ANOS1: variants seen among roughly 807,000 people sequenced by gnomAD.
ANOS1 encodes the protein anosmin 1, also known as anosmin-1.
In ANOS1, 6 loss-of-function variants were observed where a neutral mutation model predicts 59.0. The ratio of observed to expected loss-of-function variants is 0.10; its 90% CI spans 0.06 to 0.20. The LOEUF is 0.20. Ranked by LOEUF, ANOS1 falls within the 10% of genes least tolerant of loss-of-function variation. The pLI, the probability that ANOS1 is intolerant of heterozygous loss-of-function variation, is 1.00. For synonymous variants in ANOS1, 217 were observed against 223.4 expected, an observed-to-expected ratio of 0.97 and a Z score of 0.25; for missense variants, 433 against 542.3, an observed-to-expected ratio of 0.80 and a Z score of 2.00.
intron 1 of ANOS1, among the ~76,000 whole-genome samples, chrX:8,729,816 A>T (rs1932955798): frequency 9.1e-6 from 1 of 109,836 alleles, no homozygotes; most frequent in Admixed American, 9.8e-5. Context: ...AGATCTTAAA[A>T]ACACTTAATC....
chrX:8,669,595 T>TAAA (rs199519416), intron 2 of ANOS1, among the ~76,000 whole-genome samples: 5 of 104,326 alleles, frequency 4.8e-5, no homozygotes, highest in Non-Finnish European at 9.9e-5. Flanking sequence ...CCAAAACTGC[T>TAAA]AAAAAAAAAA....
At chrX:8,541,247 A>G (rs1258777730) in intron 9 of ANOS1, among the ~76,000 whole-genome samples, 1 of 105,948 alleles carries the variant, frequency 9.4e-6, no homozygotes, top group Non-Finnish European at 1.9e-5. Context: ...TACTAACAAT[A>G]CAAAAATTAG....
At chrX:8,549,368 T>C (rs1045192732) in intron 9 of ANOS1, among the ~76,000 whole-genome samples, 1 of 112,436 alleles carries the variant, frequency 8.9e-6, no homozygotes, top group African/African-American at 3.2e-5. Flanking sequence ...ATCATTATTG[T>C]ATGGGAATAT....
intron 1 of ANOS1, among the ~76,000 whole-genome samples, chrX:8,710,316 A>G (rs1282114268): frequency 8.9e-6 from 1 of 112,005 alleles, no homozygotes; most frequent in Non-Finnish European, 1.9e-5. Context: ...GAGCTCTCTG[A>G]GAACTTCTAC....
At chrX:8,639,191 T>C (rs1304457569) in intron 2 of ANOS1, among the ~76,000 whole-genome samples, 2 of 111,425 alleles carry the variant, frequency 1.8e-5, no homozygotes, top group Non-Finnish European at 3.8e-5. Flanking sequence ...GATGATGCCA[T>C]TCATGCCTGC....
chrX:8,566,204 T>C, intron 8 of ANOS1: 1 of 751,140 alleles, frequency 1.3e-6, no homozygotes, highest in Non-Finnish European at 1.6e-6. Flanking sequence ...CTGTTTCCTG[T>C]AGTTCTGTCT....
At chrX:8,594,521 G>A (rs1324353724) in intron 4 of ANOS1, among the ~76,000 whole-genome samples, 1 of 103,449 alleles carries the variant, frequency 9.7e-6, no homozygotes, top group Non-Finnish European at 2.0e-5. Context: ...AGGAGTTGCT[G>A]TAGGCTCTAT....
intron 2 of ANOS1, among the ~76,000 whole-genome samples, chrX:8,673,692 T>C (rs1228971081): frequency 2.7e-5 from 3 of 111,361 alleles, no homozygotes; most frequent in African/African-American, 6.5e-5. Flanking sequence ...TTGTGCATCC[T>C]GTTATGCCTC....
intron 2 of ANOS1, among the ~76,000 whole-genome samples, chrX:8,667,720 G>C (rs945843880): frequency 1.8e-5 from 2 of 111,131 alleles, no homozygotes; most frequent in African/African-American, 3.3e-5. Context: ...GAAGGAGTAA[G>C]GTAAGGTAGA....
At chrX:8,612,398 G>A (rs1188909111) in intron 3 of ANOS1, among the ~76,000 whole-genome samples, 1 of 109,638 alleles carries the variant, frequency 9.1e-6, no homozygotes. Flanking sequence ...AGGAAAATAA[G>A]GTCTCAAATT....
chrX:8,610,683 C>A (rs776552556), intron 3 of ANOS1, among the ~76,000 whole-genome samples: 26 of 111,664 alleles, frequency 2.3e-4, no homozygotes, highest in African/African-American at 8.4e-4. Flanking sequence ...AGTCAGAGTG[C>A]AGAGAATGCA....
intron 7 of ANOS1, among the ~76,000 whole-genome samples, chrX:8,568,937 G>A (rs184195380): frequency 3.3e-4 from 37 of 111,679 alleles, no homozygotes; most frequent in African/African-American, 1.0e-3. Flanking sequence ...AAATCATTCT[G>A]AGCCCTCGCC....
intron 3 of ANOS1, among the ~76,000 whole-genome samples, chrX:8,598,944 T>G (rs1930792040): frequency 9.0e-6 from 1 of 111,322 alleles, no homozygotes; most frequent in Non-Finnish European, 1.9e-5. Flanking sequence ...GGCTTGCAGA[T>G]GGTGGGGGAT....
chrX:8,691,321 C>T (rs1932604170), intron 2 of ANOS1, among the ~76,000 whole-genome samples: 1 of 111,359 alleles, frequency 9.0e-6, no homozygotes, highest in African/African-American at 3.3e-5. Flanking sequence ...ATCCACCTGC[C>T]TTGGACTCCC....
At chrX:8,550,945 T>A in intron 9 of ANOS1, among the ~76,000 whole-genome samples, 1 of 111,812 alleles carries the variant, frequency 8.9e-6, no homozygotes, top group South Asian at 3.8e-4. Context: ...GGGAGGTAAC[T>A]GAATCATGGG....
chrX:8,674,458 G>A (rs936740188), intron 2 of ANOS1, among the ~76,000 whole-genome samples: 4 of 112,017 alleles, frequency 3.6e-5, no homozygotes, highest in Admixed American at 9.4e-5. Context: ...AATGTTACCC[G>A]TTGAGTGATG....
chrX:8,716,063 C>T (rs1932840378), intron 1 of ANOS1, among the ~76,000 whole-genome samples: 2 of 111,027 alleles, frequency 1.8e-5, no homozygotes, highest in African/African-American at 6.6e-5. Context: ...AAAGGGCAGT[C>T]GACGGTCTGA....
At chrX:8,697,136 G>A (rs1420255415) in intron 2 of ANOS1, among the ~76,000 whole-genome samples, 2 of 111,559 alleles carry the variant, frequency 1.8e-5, no homozygotes, top group African/African-American at 6.5e-5. Context: ...CCAGCTACTC[G>A]GGAGGCTGAG....
intron 2 of ANOS1, among the ~76,000 whole-genome samples, chrX:8,689,107 C>T (rs904987298): frequency 5.4e-5 from 6 of 111,916 alleles, no homozygotes; most frequent in Non-Finnish European, 1.1e-4. Flanking sequence ...TGCATTATCA[C>T]TAGAAGGGAC....
Sources: gnomAD v4.1 joint callset for allele counts (sites outside exome capture counted in the v4.1 genomes callset) on GRCh38, gnomAD v4.1.1 for gene constraint, MANE v1.5 for transcripts, NCBI Gene and HGNC (gene_info 2026-07-23, HGNC 2026-07-21) for gene names.